ADAM9: variants seen among roughly 807,000 people sequenced by gnomAD.
The protein encoded by ADAM9 is disintegrin and metalloproteinase domain-containing protein 9.
A neutral mutation model predicts 108.1 loss-of-function variants in ADAM9; 54 were observed. The ratio of observed to expected loss-of-function variants is 0.50; its 90% CI spans 0.40 to 0.63. The LOEUF is 0.63. Ranked by LOEUF, ADAM9 falls within the 20% of genes least tolerant of loss-of-function variation. The pLI is 0.00. For missense variants in ADAM9, 830 were observed against 997.7 expected (o/e 0.83, Z 2.26); for synonymous variants, 316 against 336.0 (o/e 0.94, Z 0.65).
chr8:39,045,447 C>CACACCTATATGTGCGTGTGT (rs1564301947), intron 12 of ADAM9, among the ~76,000 whole-genome samples: 2 of 30,052 alleles, frequency 6.7e-5, no homozygotes, highest in Admixed American at 2.5e-4. Context: ...CGCGTGTGTA[C>CACACCTATATGTGCGTGTGT]ACACACCTAT....
At chr8:39,097,555 C>G (rs1839549629) in intron 20 of ADAM9, among the ~76,000 whole-genome samples, 2 of 152,100 alleles carry the variant, frequency 1.3e-5, no homozygotes, top group Non-Finnish European at 2.9e-5. Context: ...ATCCGCCCGC[C>G]CTGGCCTCCC....
chr8:39,067,299 G>A (rs1838513493), intron 14 of ADAM9, among the ~76,000 whole-genome samples: 1 of 152,172 alleles, frequency 6.6e-6, no homozygotes, highest in Non-Finnish European at 1.5e-5. Flanking sequence ...AAAGTCATTG[G>A]TAGCTTGATG....
intron 18 of ADAM9, among the ~76,000 whole-genome samples, chr8:39,087,335 G>A (rs1402442021): frequency 6.6e-6 from 1 of 152,032 alleles, no homozygotes; most frequent in Non-Finnish European, 1.5e-5. Flanking sequence ...CTGGTTTTCT[G>A]GTTATTTTAG....
chr8:39,027,767 T>C (rs1029143924), intron 11 of ADAM9, among the ~76,000 whole-genome samples: 7 of 151,030 alleles, frequency 4.6e-5, no homozygotes, highest in Admixed American at 2.0e-4. Flanking sequence ...GAGTGAAAAT[T>C]AGATATGAGA....
At chr8:39,041,863 T>C (rs1044906225) in intron 11 of ADAM9, 83 bp from the exon 12 acceptor site, 1 of 1,248,448 alleles carries the variant, frequency 8.0e-7, no homozygotes, top group African/African-American at 1.5e-5. Context: ...AATATTCACA[T>C]TTTGTGGGTT....
chr8:39,056,545 A>G (rs1838129301), intron 14 of ADAM9, among the ~76,000 whole-genome samples: 1 of 152,082 alleles, frequency 6.6e-6, no homozygotes, highest in Non-Finnish European at 1.5e-5. Flanking sequence ...TCATCCTCCC[A>G]ATAGTTAGGG....
Position 39,007,946 on chromosome 8 carries a change from G to T in ADAM9, c.158G>T (p.Arg53Ile). ...ATTATAACTCCTTGGAGATTAACTA[G>T]AGAAAGAAGAGAAGCCCCTAGGCCC... Reference protein sequence around the residue: ...YEIITPWRLTRERREAPRPYS... With the variant: ...YEIITPWRLTIERREAPRPYS... Residue 53 changes from arginine (R) to isoleucine (I), a missense_variant, in exon 2 of 22, where the codon AGA (arginine) becomes ATA (isoleucine). Transcript: ENST00000487273. 6.2e-7 allele frequency: 1 copy of T among 1,610,570 alleles called. No individual in the cohort carries two copies. Among genetic ancestry groups the T allele is most frequent in the Non-Finnish European group, 8.5e-7 (1 of 1,177,754 alleles).
intron 12 of ADAM9, among the ~76,000 whole-genome samples, chr8:39,046,025 G>C (rs1837761571): frequency 6.6e-6 from 1 of 151,914 alleles, no homozygotes; most frequent in African/African-American, 2.4e-5. Context: ...TTCTTCTGAG[G>C]AATGGATTTT....
chr8:39,101,785 A>C, intron 20 of ADAM9, 78 bp from the exon 21 acceptor site: 1 of 1,133,534 alleles, frequency 8.8e-7, no homozygotes, highest in Non-Finnish European at 1.3e-6. Context: ...TTGATTTTAA[A>C]TATGTAGATT....
At chr8:39,095,345 C>T (rs1839469712) in intron 20 of ADAM9, among the ~76,000 whole-genome samples, 1 of 152,118 alleles carries the variant, frequency 6.6e-6, no homozygotes, top group South Asian at 2.1e-4. Flanking sequence ...ACCCGTGTTG[C>T]TTAAGTGTCA....
At chr8:39,063,838 C>G (rs1452746268) in intron 14 of ADAM9, among the ~76,000 whole-genome samples, 9 of 152,160 alleles carry the variant, frequency 5.9e-5, no homozygotes, top group African/African-American at 2.2e-4. Context: ...GATCAATAAC[C>G]TCAATTTAAC....
At chr8:39,065,614 C>T (rs1054525747) in intron 14 of ADAM9, among the ~76,000 whole-genome samples, 1 of 132,882 alleles carries the variant, frequency 7.5e-6, no homozygotes, top group African/African-American at 2.8e-5. Context: ...GAGCCGAGAT[C>T]GCACCATTGC....
At chr8:39,076,042 A>G (rs559395387) in intron 15 of ADAM9, 1 of 152,342 alleles carries the variant, frequency 6.6e-6, no homozygotes, top group African/African-American at 2.4e-5. Context: ...ATATTCAAGG[A>G]CATCAATAAT....
At chr8:39,054,619 AAAAG>A (rs772934307) in intron 13 of ADAM9, 46 bp downstream of exon 13, 8 of 1,514,988 alleles carry the variant, frequency 5.3e-6, no homozygotes, top group South Asian at 1.2e-5. Context: ...AAAAAAAAAA[AAAAG>A]AAAACCTGTG....
chr8:39,045,359 T>C (rs1195433887), intron 12 of ADAM9, among the ~76,000 whole-genome samples: 2 of 105,076 alleles, frequency 1.9e-5, no homozygotes, highest in African/African-American at 7.3e-5. Context: ...TGTACATACA[T>C]ATAGGTGTGT....
intron 12 of ADAM9, among the ~76,000 whole-genome samples, chr8:39,044,168 C>G (rs1837539000): frequency 6.6e-6 from 1 of 152,180 alleles, no homozygotes; most frequent in Non-Finnish European, 1.5e-5. Context: ...ATTGCCAAGA[C>G]CAATGTCATG....
chr8:39,009,070 T>G (rs1836260639), intron 2 of ADAM9, among the ~76,000 whole-genome samples: 1 of 152,064 alleles, frequency 6.6e-6, no homozygotes, highest in South Asian at 2.1e-4. Flanking sequence ...AACACTGGAG[T>G]TGAGGATCAG....
chr8:39,014,571 T>C (rs1395984117), intron 4 of ADAM9: 2 of 702,500 alleles, frequency 2.8e-6, no homozygotes, highest in East Asian at 5.4e-5. Flanking sequence ...AATTGGCAGA[T>C]GTCAAATTTG....
chr8:39,015,490 G>A (rs1203445672), intron 4 of ADAM9: 1 of 152,196 alleles, frequency 6.6e-6, no homozygotes, highest in Non-Finnish European at 1.5e-5. Context: ...GACAGATGGT[G>A]TCTCACTTAT....
Sources: gnomAD v4.1 joint callset for allele counts (sites outside exome capture counted in the v4.1 genomes callset) on GRCh38, gnomAD v4.1.1 for gene constraint, MANE v1.5 for transcripts, NCBI Gene and HGNC (gene_info 2026-07-23, HGNC 2026-07-21) for gene names.